The following TTLL3 variants were observed in gnomAD, a reference collection of about 807,000 sequenced individuals.
The protein encoded by TTLL3 is tubulin monoglycylase TTLL3.
Under a neutral mutation model 75.2 loss-of-function variants are expected in TTLL3, and 63 were observed. That is an observed-to-expected ratio of 0.84 (90% CI 0.68 to 1.03). TTLL3 has a LOEUF of 1.03. Ranked by LOEUF, TTLL3 falls within the 50% of genes least tolerant of loss-of-function variation. The probability of loss-of-function intolerance (pLI) is 0.00; values close to 1 mark genes in which losing one functional copy is unlikely to be tolerated. For synonymous variants in TTLL3, 393 were observed against 418.5 expected, an observed-to-expected ratio of 0.94 and a Z score of 0.74; for missense variants, 997 against 1,069.9, an observed-to-expected ratio of 0.93 and a Z score of 0.95.
In TTLL3 at chr3:9,820,724, C is replaced by T. The variant is rs754834361; in HGVS notation, c.837C>T (p.Arg279=). The T allele has an allele frequency of 5.6e-6, 9 of 1,614,130 alleles. No homozygotes were observed. The highest frequency in any genetic ancestry group is 6.8e-6 in the Non-Finnish European group (8 of 1,180,026). The part of the protein sequence containing the change: ...TPEGWSLFLQ[R]YYQVVHEGAE... ...AGGGCTGGTCCCTCTTCCTCCAGCG[C>T]TACTACCAAGTGGTCCAGTGAGTCC... The change falls in exon 8 of 14, where the codon CGC becomes CGT. Residue 279 remains arginine (R), a synonymous_variant. Transcript: ENST00000685419.
In TTLL3 at chr3:9,834,612, TA is replaced by T. The variant is rs756782471; in HGVS notation, c.1826-68del. Reference sequence around the variant, plus strand: ...TCCATATCCCCCCATCCTCCACACGTACCTGTTAGGGCAGCTAGGCCACCTT... The same window carrying T: ...TCCATATCCCCCCATCCTCCACACGTCCTGTTAGGGCAGCTAGGCCACCTT... On this transcript the variant is annotated intron_variant, in intron 12 of 13. Coordinates refer to ENST00000685419, the MANE Select transcript of TTLL3 (RefSeq NM_001387446.1). The T allele has an allele frequency of 4.1e-5, 66 of 1,597,776 alleles. No individual in the cohort carries two copies. In the Admixed American group the frequency reaches 6.6e-4, roughly 16 times the overall value.
intron 6 of TTLL3, chr3:9,818,518 G>A (rs985648553): frequency 5.4e-5 from 23 of 422,368 alleles, no homozygotes; most frequent in East Asian, 9.6e-5. Context: ...ACAGGCGCCC[G>A]CCATCACGCC....
chr3:9,821,263 G>A (rs901069402), intron 8 of TTLL3, among the ~76,000 whole-genome samples: 1 of 152,232 alleles, frequency 6.6e-6, no homozygotes, highest in Non-Finnish European at 1.5e-5. Flanking sequence ...GGTGGGGAAA[G>A]GGAGGATCAA....
Position 9,835,297 on chromosome 3 carries a change from C to G in TTLL3, c.2256C>G (p.Phe752Leu). 1 of 1,614,180 alleles carries G rather than the reference C, an allele frequency of 6.2e-7. No homozygotes were observed. Among genetic ancestry groups the G allele is most frequent in the Non-Finnish European group, 8.5e-7 (1 of 1,180,022 alleles). The change falls in exon 14 of 14, where the codon TTC (phenylalanine) becomes TTG (leucine). Residue 752 changes from phenylalanine to leucine, a missense_variant. Phe to Leu is a conservative substitution (Grantham distance 22). Coordinates refer to ENST00000685419, the MANE Select transcript of TTLL3 (RefSeq NM_001387446.1). ...PLKPLPLVGT[F>L]QRRRGLGDMK... Reference sequence around the variant, plus strand: ...AACCCCTGCCCCTTGTTGGTACATTCCAGAGGCGCAGGGGCCTGGGGGATA... The same window carrying G: ...AACCCCTGCCCCTTGTTGGTACATTGCAGAGGCGCAGGGGCCTGGGGGATA...
Position 9,834,663 on chromosome 3 carries a change from C to G in TTLL3, c.1826-18C>G, listed in dbSNP as rs1385217755. 2 of 1,613,822 alleles carry G rather than the reference C, an allele frequency of 1.2e-6. No homozygotes were observed. The highest frequency in any genetic ancestry group is 2.2e-5 in the South Asian group (2 of 91,042). Reference sequence around the variant, plus strand: ...TGGGCCCCACCCCAGGGCCTCACAGCTTCTCTTGCTCCCACAGCCCGTCAC... The same window carrying G: ...TGGGCCCCACCCCAGGGCCTCACAGGTTCTCTTGCTCCCACAGCCCGTCAC... On this transcript the variant is annotated intron_variant, in intron 12 of 13. Transcript: ENST00000685419.
rs746721270 is a variant in TTLL3, at chr3:9,816,068, C to T, written c.316-6C>T. On this transcript the variant is annotated splice_polypyrimidine_tract_variant and splice_region_variant and intron_variant, in intron 4 of 13. Coordinates refer to ENST00000685419, the MANE Select transcript of TTLL3 (RefSeq NM_001387446.1). The stretch of plus-strand genomic sequence containing the variant: ...TCTGTGTTTCTGTCTCCTCCTGTCT[C>T]CCCAGTCCCGCATGGTCCAGAATGA... 27 of 1,352,990 alleles carry T rather than the reference C, an allele frequency of 2.0e-5. No individual in the cohort carries two copies. The Admixed American group carries it at 2.2e-4, about 11-fold the overall frequency. 83.8% of individuals were successfully genotyped at this position (1,352,990 alleles called of 1,614,324 possible). A position where few individuals can be genotyped will look rare whatever the true frequency, so the allele number is the denominator to read the frequency against.
chr3:9,827,929 G>A (rs1161448959), intron 10 of TTLL3: 1 of 152,200 alleles, frequency 6.6e-6, no homozygotes. Flanking sequence ...ATCACCTGAG[G>A]TCAGGAGTTC....
intron 8 of TTLL3, chr3:9,821,058 T>C (rs2124843340): frequency 3.0e-6 from 1 of 335,166 alleles, no homozygotes; most frequent in Non-Finnish European, 5.4e-6. Flanking sequence ...TTGTGGTCCA[T>C]CACATTTGGA....
At chr3:9,827,318 G>A (rs911630338) in intron 10 of TTLL3, 78 bp downstream of exon 10, 1 of 1,571,142 alleles carries the variant, frequency 6.4e-7, no homozygotes, top group South Asian at 1.2e-5. Flanking sequence ...TTACAGTGCA[G>A]GGGACTCGCG....
chr3:9,833,838 C>A (rs2081818670), intron 12 of TTLL3, among the ~76,000 whole-genome samples: 1 of 151,550 alleles, frequency 6.6e-6, no homozygotes, highest in African/African-American at 2.4e-5. Context: ...GAGATGCTGT[C>A]TTAAAAACAA....
chr3:9,820,703 C>A lies in TTLL3; in HGVS notation c.816C>A (p.Gly272=). 6.2e-7 allele frequency: 1 copy of A among 1,614,196 alleles called. No homozygotes were observed. Residue 272 remains glycine (G), a synonymous_variant, in exon 8 of 14, where the codon GGC becomes GGA. Coordinates refer to ENST00000685419, the MANE Select transcript of TTLL3 (RefSeq NM_001387446.1). The part of the protein sequence containing the change: ...LEAPLYLTPE[G]WSLFLQRYYQ... ...CCCCGCTGTACCTCACCCCCGAGGG[C>A]TGGTCCCTCTTCCTCCAGCGCTACT...
intron 8 of TTLL3, 81 bp from the exon 9 acceptor site, chr3:9,825,719 T>C (rs1227856925): frequency 1.2e-6 from 2 of 1,611,536 alleles, no homozygotes; most frequent in African/African-American, 1.3e-5. Flanking sequence ...CGGCGGGGGA[T>C]GGTGGAATAT....
At chr3:9,820,465 C>T (rs2080306167) in intron 7 of TTLL3, 81 bp from the exon 8 acceptor site, 2 of 1,581,084 alleles carry the variant, frequency 1.3e-6, no homozygotes, top group African/African-American at 1.3e-5. Context: ...AAGTGACAGG[C>T]CTTAGGACAA....
intron 8 of TTLL3, among the ~76,000 whole-genome samples, chr3:9,823,951 C>T (rs1412764106): frequency 2.0e-5 from 3 of 152,216 alleles, no homozygotes; most frequent in African/African-American, 7.2e-5. Flanking sequence ...CCATGAAACC[C>T]TGTCCGTGCA....
chr3:9,810,311 C>A lies in TTLL3; in HGVS notation c.-125C>A, dbSNP rs2079220102. 6.7e-7 allele frequency: 1 copy of A among 1,485,836 alleles called. No homozygotes were observed. Among genetic ancestry groups the A allele is most frequent in the Non-Finnish European group, 8.9e-7 (1 of 1,129,920 alleles). The allele number at this position is 1,485,836 out of a possible 1,614,324, so 92.0% of individuals were successfully genotyped here. ...AGCGGCGCCTTCAAGACGCTGGTCC[C>A]AGGCACCCACGCCCAGGGCGCCTCG... On this transcript the variant is annotated 5_prime_UTR_variant, in exon 1 of 14. Transcript: ENST00000685419. This position sits in a 1 kb window ranked among gnomAD's most constrained non-coding sequence, Gnocchi z 4.4.
upstream of TTLL3, chr3:9,809,973 G>GGGGCCCTGGGAGGGCGGGCGCGGGATCAA: frequency 7.7e-7 from 1 of 1,299,530 alleles, no homozygotes; most frequent in Non-Finnish European, 9.7e-7. Context: ...CGCGGGATCA[G>GGGGCCCTGGGAGGGCGGGCGCGGGATCAA]GGGCCCTGGG....
intron 13 of TTLL3, 28 bp from the exon 14 acceptor site, chr3:9,835,066 C>T (rs765205608): frequency 1.3e-6 from 2 of 1,589,938 alleles, no homozygotes; most frequent in Admixed American, 1.7e-5. Flanking sequence ...CTGATCATCT[C>T]CCTCTTCTCC....
rs11921058 is a variant in TTLL3 at position 9,835,531 on chromosome 3, C to G, written c.*42C>G. ...TCCGTGCAGCGAGGCCCAGAATTCC[C>G]ACCTAAGGACAGACATGGGGCTTCC... On this transcript the variant is annotated 3_prime_UTR_variant, in exon 14 of 14. Coordinates refer to ENST00000685419, the MANE Select transcript of TTLL3 (RefSeq NM_001387446.1). 4.4e-4 allele frequency: 664 copies of G among 1,523,634 alleles called. 2 individuals carry two copies. The African/African-American group carries it at 6.9e-3, about 16-fold the overall frequency. 94.4% of individuals were successfully genotyped at this position (1,523,634 alleles called of 1,614,324 possible). A position where few individuals can be genotyped will look rare whatever the true frequency, so the allele number is the denominator to read the frequency against.
Position 9,834,802 on chromosome 3 carries a change from G to A in TTLL3, c.1947G>A (p.Ser649=), listed in dbSNP as rs747496151. ...AGCTGGTGGGCACTAAGGCCCTGTC[G>A]ACCACAGGCAAGGCCTTGAGGACTC... is the stretch of plus-strand genomic sequence containing the variant. ...HSKLVGTKAL[S]TTGKALRTLP... is the part of the protein sequence containing the mutation. Residue 649 remains serine, a synonymous_variant, in exon 13 of 14, where the codon TCG becomes TCA. Coordinates refer to ENST00000685419, the MANE Select transcript of TTLL3 (RefSeq NM_001387446.1). 19 of 1,614,056 alleles carry A rather than the reference G, an allele frequency of 1.2e-5. No individual in the cohort carries two copies. Among genetic ancestry groups the A allele is most frequent in the African/African-American group, 4.0e-5 (3 of 74,916 alleles).
Sources: allele counts gnomAD v4.1 joint callset (sites outside exome capture counted in the v4.1 genomes callset), GRCh38; gene constraint gnomAD v4.1.1; non-coding constraint Gnocchi (gnomAD v3.1); transcripts MANE v1.5; gene names NCBI Gene and HGNC (gene_info 2026-07-23, HGNC 2026-07-21).